The following MGMT variants were observed in gnomAD, a reference collection of about 807,000 sequenced individuals.
MGMT encodes methylated-DNA--protein-cysteine methyltransferase.
A neutral mutation model predicts 15.9 loss-of-function variants in MGMT; 14 were observed. That is an observed-to-expected ratio of 0.88 (90% confidence interval 0.58 to 1.37). MGMT has a LOEUF of 1.37. MGMT is among the 40% of genes most tolerant of loss of function. The pLI, the probability that MGMT is intolerant of heterozygous loss-of-function variation, is 0.00. For missense variants in MGMT, 282 were observed against 268.1 expected (o/e 1.05, Z -0.36); for synonymous variants, 130 against 118.2 (o/e 1.10, Z -0.65).
chr10:129,543,962 A>T (rs1846072184), intron 2 of MGMT, among the ~76,000 whole-genome samples: 4 of 152,234 alleles, frequency 2.6e-5, no homozygotes, highest in Non-Finnish European at 5.9e-5. Context: ...ACTTTAGAGT[A>T]ACAGGTAAAT....
At chr10:129,517,471 T>C (rs574691358) in intron 1 of MGMT, among the ~76,000 whole-genome samples, 123 of 152,340 alleles carry the variant, frequency 8.1e-4, no homozygotes, top group African/African-American at 2.8e-3. Flanking sequence ...GCTCATTTGA[T>C]GGCTCTGGCA....
chr10:129,541,901 A>C (rs913961582), intron 2 of MGMT, among the ~76,000 whole-genome samples: 2 of 152,028 alleles, frequency 1.3e-5, no homozygotes, highest in Admixed American at 1.3e-4. Flanking sequence ...CCTTGGATTG[A>C]GGCTGGGTGG....
intron 3 of MGMT, among the ~76,000 whole-genome samples, chr10:129,719,239 C>T (rs1286652234): frequency 3.3e-5 from 5 of 151,076 alleles, no homozygotes; most frequent in African/African-American, 7.3e-5. Context: ...CACTCAGGTA[C>T]GTCACCTTCC....
intron 2 of MGMT, among the ~76,000 whole-genome samples, chr10:129,657,447 C>T (rs928043923): frequency 8.6e-5 from 13 of 151,598 alleles, no homozygotes; most frequent in Non-Finnish European, 1.5e-4. Context: ...AAACCCTGCC[C>T]TGAGGCGCCC....
chr10:129,497,542 G>GCTA (rs1490262502), intron 1 of MGMT, among the ~76,000 whole-genome samples: 1 of 152,218 alleles, frequency 6.6e-6, no homozygotes, highest in Non-Finnish European at 1.5e-5. Context: ...GTTTCTGTAT[G>GCTA]CAGCCACCAT....
intron 3 of MGMT, among the ~76,000 whole-genome samples, chr10:129,709,426 T>C (rs1038722245): frequency 6.6e-6 from 1 of 152,206 alleles, no homozygotes; most frequent in African/African-American, 2.4e-5. Flanking sequence ...AGATTGGTTT[T>C]GTTTATTAAA....
intron 2 of MGMT, among the ~76,000 whole-genome samples, chr10:129,582,231 C>T (rs1050746859): frequency 3.3e-5 from 5 of 152,194 alleles, no homozygotes; most frequent in Admixed American, 2.0e-4. Flanking sequence ...GCCTTCTGCC[C>T]GACATGTACT....
intron 2 of MGMT, among the ~76,000 whole-genome samples, chr10:129,662,841 T>C (rs959314975): frequency 3.9e-5 from 6 of 152,118 alleles, no homozygotes; most frequent in Non-Finnish European, 8.8e-5. Context: ...TGAGAACACC[T>C]TAAAATGCTA....
chr10:129,745,631 T>C (rs981747815), intron 3 of MGMT, among the ~76,000 whole-genome samples: 2 of 152,244 alleles, frequency 1.3e-5, no homozygotes, highest in Non-Finnish European at 2.9e-5. Context: ...TCTCCATTGA[T>C]CTGTTTTTTA....
chr10:129,584,271 C>A (rs1394054766), intron 2 of MGMT, among the ~76,000 whole-genome samples: 2 of 152,182 alleles, frequency 1.3e-5, no homozygotes, highest in Non-Finnish European at 2.9e-5. Flanking sequence ...AGTTGGCAAG[C>A]TCTTGGCCTG....
chr10:129,584,780 T>G (rs1846599949), intron 2 of MGMT, among the ~76,000 whole-genome samples: 1 of 152,144 alleles, frequency 6.6e-6, no homozygotes, highest in Non-Finnish European at 1.5e-5. Flanking sequence ...TCGTGTGGTG[T>G]TTTCAAGGTT....
At chr10:129,619,896 A>T (rs958014943) in intron 2 of MGMT, among the ~76,000 whole-genome samples, 1 of 151,924 alleles carries the variant, frequency 6.6e-6, no homozygotes, top group Non-Finnish European at 1.5e-5. Flanking sequence ...TCATTTTCTC[A>T]GTTCTGTATT....
chr10:129,744,504 C>T (rs1197201671), intron 3 of MGMT, among the ~76,000 whole-genome samples: 1 of 152,230 alleles, frequency 6.6e-6, no homozygotes, highest in African/African-American at 2.4e-5. Flanking sequence ...CTGGGCGCAC[C>T]TCCTCCAGGG....
chr10:129,607,552 C>T (rs1242597124), intron 2 of MGMT, among the ~76,000 whole-genome samples: 1 of 152,202 alleles, frequency 6.6e-6, no homozygotes, highest in African/African-American at 2.4e-5. Flanking sequence ...GTCATGTCCA[C>T]GTTAGCATTT....
intron 1 of MGMT, among the ~76,000 whole-genome samples, chr10:129,474,033 A>T (rs1409053940): frequency 1.3e-5 from 2 of 152,214 alleles, no homozygotes; most frequent in African/African-American, 2.4e-5. Context: ...GGTTTCTCCA[A>T]GTGGCCCAAG....
intron 1 of MGMT, among the ~76,000 whole-genome samples, chr10:129,487,912 G>GGTGTGT (rs145304551): frequency 1.0e-4 from 14 of 137,606 alleles, no homozygotes; most frequent in South Asian, 2.4e-4. Context: ...ACCATATAGG[G>GGTGTGT]GTGTGTGTGT....
At chr10:129,544,250 G>A (rs1846075274) in intron 2 of MGMT, among the ~76,000 whole-genome samples, 1 of 152,202 alleles carries the variant, frequency 6.6e-6, no homozygotes, top group African/African-American at 2.4e-5. Context: ...ATTGTATGCT[G>A]TGCAGGCCAG....
intron 3 of MGMT, among the ~76,000 whole-genome samples, chr10:129,748,706 T>A (rs1848722104): frequency 6.6e-6 from 1 of 152,124 alleles, no homozygotes; most frequent in Non-Finnish European, 1.5e-5. Context: ...TGTATGCAAT[T>A]ATCTGTGTCT....
chr10:129,481,083 C>T (rs1360467638), intron 1 of MGMT, among the ~76,000 whole-genome samples: 3 of 152,228 alleles, frequency 2.0e-5, no homozygotes, highest in Non-Finnish European at 2.9e-5. Flanking sequence ...CTGACCGTGC[C>T]TTCCTCCTAG....
Sources: gnomAD v4.1 joint callset for allele counts (sites outside exome capture counted in the v4.1 genomes callset) on GRCh38, gnomAD v4.1.1 for gene constraint, MANE v1.5 for transcripts, NCBI Gene and HGNC (gene_info 2026-07-23, HGNC 2026-07-21) for gene names.